The following SEPTIN4 variants were observed in gnomAD, a reference collection of about 807,000 sequenced individuals.
SEPTIN4 encodes septin 4, also known as septin-4.
Under a neutral mutation model 107.1 loss-of-function variants are expected in SEPTIN4, and 52 were observed. The observed-to-expected ratio is 0.49, with a 90% CI of 0.39 to 0.61. The LOEUF is 0.61. Ranked by LOEUF, SEPTIN4 falls within the 20% of genes least tolerant of loss-of-function variation. The pLI is 0.00. For synonymous variants in SEPTIN4, 417 were observed against 467.0 expected, an observed-to-expected ratio of 0.89 and a Z score of 1.38; for missense variants, 1,048 against 1,243.5, an observed-to-expected ratio of 0.84 and a Z score of 2.36.
chr17:58,542,746 T>C lies in SEPTIN4; in HGVS notation c.1441A>G (p.Ser481Gly). Reference sequence around the variant, plus strand: ...TTTGGTGGTGATGGTGGTGATAGGCTTGCCTTCTCTCTCTGGAACTTCAGA... The same window carrying C: ...TTTGGTGGTGATGGTGGTGATAGGCCTGCCTTCTCTCTCTGGAACTTCAGA... ...EDLKFQREKA[S>G]LSPPSPPKEF... Residue 481 changes from serine (S) to glycine (G), a missense_variant, in exon 1 of 14, where the codon AGC becomes GGC. Physicochemically the swap from Ser to Gly is moderately conservative, Grantham distance 56. Coordinates refer to ENST00000672673, the MANE Select transcript of SEPTIN4 (RefSeq NM_001368771.2). 1 of 1,614,196 alleles carries C rather than the reference T, an allele frequency of 6.2e-7. No individual in the cohort carries two copies. The highest frequency in any genetic ancestry group is 8.5e-7 in the Non-Finnish European group (1 of 1,180,038).
Position 58,520,355 on chromosome 17 carries a change from C to G in SEPTIN4, c.*71G>C. 2 of 1,457,394 alleles carry G rather than the reference C, an allele frequency of 1.4e-6. No individual in the cohort carries two copies. Among genetic ancestry groups the G allele is most frequent in the Non-Finnish European group, 1.9e-6 (2 of 1,048,988 alleles). The allele number at this position is 1,457,394 out of a possible 1,614,324, so 90.3% of individuals were successfully genotyped here. The stretch of plus-strand genomic sequence containing the variant: ...AGTAGCTGAAGGGGCCTGAGCAGAG[C>G]TGGTGCTGGGAGGGGCCGGCATGGA... On this transcript the variant is annotated 3_prime_UTR_variant, in exon 14 of 14. Transcript: ENST00000672673.
Position 58,540,693 on chromosome 17 carries a change from G to A in SEPTIN4, c.1607-20C>T. 7.4e-7 allele frequency: 1 copy of A among 1,344,460 alleles called. No homozygotes were observed. The highest frequency in any genetic ancestry group is 3.1e-5 in the East Asian group (1 of 32,586). 83.3% of individuals were successfully genotyped at this position (1,344,460 alleles called of 1,614,324 possible). On this transcript the variant is annotated intron_variant, in intron 2 of 13. Transcript: ENST00000672673. ...CCTCATCTGTCATAACAGAGTAGAA[G>A]CCAGGCATTCCCAGGGGGCAGCAAA...
At chr17:58,533,854 G>A (rs757967496) in intron 3 of SEPTIN4, among the ~76,000 whole-genome samples, 18 of 152,198 alleles carry the variant, frequency 1.2e-4, no homozygotes, top group Non-Finnish European at 1.8e-4. Context: ...TACCTCTTGC[G>A]TGCTTCCAGA....
In SEPTIN4 at chr17:58,540,635, ACTGGGAGTAACCTCC is replaced by A; in HGVS notation, c.1614+16_1614+30del. 7.5e-7 allele frequency: 1 copy of A among 1,340,650 alleles called. No individual in the cohort carries two copies. The highest frequency in any genetic ancestry group is 3.7e-5 in the Admixed American group (1 of 26,770). The allele number at this position is 1,340,650 out of a possible 1,614,324, so 83.0% of individuals were successfully genotyped here. A position where few individuals can be genotyped will look rare whatever the true frequency, so the allele number is the denominator to read the frequency against. On this transcript the variant is annotated intron_variant, in intron 3 of 13. Coordinates refer to ENST00000672673, the MANE Select transcript of SEPTIN4 (RefSeq NM_001368771.2). Reference sequence around the variant, plus strand: ...TGGATTGTGGGGTGGGCCCAGGAAGACTGGGAGTAACCTCCCAGGGGCATTCTTACCTCCTCATCT... The same window carrying A: ...TGGATTGTGGGGTGGGCCCAGGAAGACAGGGGCATTCTTACCTCCTCATCT...
At chr17:58,529,901 G>A (rs1334182237) in intron 3 of SEPTIN4, 1 of 151,986 alleles carries the variant, frequency 6.6e-6, no homozygotes, top group Admixed American at 6.6e-5. Context: ...CTTTGCTCCA[G>A]GGACTCCCCT....
chr17:58,534,396 C>T (rs2043638712), intron 3 of SEPTIN4, among the ~76,000 whole-genome samples: 1 of 152,336 alleles, frequency 6.6e-6, no homozygotes, highest in African/African-American at 2.4e-5. Flanking sequence ...CTGTTTCCCC[C>T]ACTGAAAGAG....
chr17:58,527,502 G>A, intron 3 of SEPTIN4: 1 of 263,854 alleles, frequency 3.8e-6, no homozygotes, highest in Middle Eastern at 1.4e-3. Context: ...AGGGGGTTCT[G>A]TACCTCCTGT....
chr17:58,530,452 A>G (rs1048339070), intron 3 of SEPTIN4: 3 of 152,286 alleles, frequency 2.0e-5, no homozygotes, highest in Non-Finnish European at 4.4e-5. Context: ...TTTGACAAAG[A>G]GACCCTCATA....
At chr17:58,532,094 C>G (rs2043525259) in intron 3 of SEPTIN4, 2 of 1,075,018 alleles carry the variant, frequency 1.9e-6, no homozygotes, top group Non-Finnish European at 2.3e-6. Context: ...CGGGAGGGGC[C>G]CGGCGGCGGG....
At chr17:58,539,058 G>T in intron 3 of SEPTIN4, 1 of 1,235,254 alleles carries the variant, frequency 8.1e-7, no homozygotes, top group Non-Finnish European at 1.1e-6. Context: ...GCCGGGGAGA[G>T]CCTAGCTCTC....
intron 3 of SEPTIN4, chr17:58,530,508 G>A (rs541095783): frequency 6.6e-6 from 1 of 152,474 alleles, no homozygotes; most frequent in East Asian, 1.9e-4. Context: ...TGGCTGGCTT[G>A]AGGGCAGGGG....
rs2042224556 is a variant in SEPTIN4, at chr17:58,521,153, G to A, written c.2676C>T (p.Asn892=). 6.2e-7 allele frequency: 1 copy of A among 1,614,064 alleles called. No individual in the cohort carries two copies. The highest frequency in any genetic ancestry group is 1.1e-5 in the South Asian group (1 of 91,088). ...GCTTCACAAAGTCGCAGTGCCCTGG[G>A]TTTTCCACTGCATAGCAAGGCTAGG... The part of the protein sequence containing the change: ...LYPWGIVEVE[N]PGHCDFVKLR... The change falls in exon 12 of 14, where the codon AAC becomes AAT. Residue 892 remains asparagine (N), a synonymous_variant. Coordinates refer to ENST00000672673, the MANE Select transcript of SEPTIN4 (RefSeq NM_001368771.2). This position sits in a 1 kb window ranked among gnomAD's most constrained non-coding sequence, Gnocchi z 6.4.
At chr17:58,542,021 AC>A in intron 1 of SEPTIN4, 55 bp from the exon 2 acceptor site, 1 of 1,572,066 alleles carries the variant, frequency 6.4e-7, no homozygotes, top group Non-Finnish European at 8.7e-7. Context: ...TGCACATCCC[AC>A]TCTCCACTAC....
rs766645297 is a variant in SEPTIN4 at position 58,543,352 on chromosome 17, T to C, written c.835A>G (p.Lys279Glu). Residue 279 changes from lysine to glutamate, a missense_variant, in exon 1 of 14, where the codon AAA becomes GAA. Lys to Glu is a moderately conservative substitution (Grantham distance 56). This residue lies in a region of SEPTIN4 where 787 missense variants were observed against 871.8 expected (regional missense o/e 0.90). Transcript: ENST00000672673. ...LDSLLKLSVLKDSDGVHRVSA... is the reference protein window; with the variant it reads ...LDSLLKLSVLEDSDGVHRVSA... Reference sequence around the variant, plus strand: ...ACTCGGTGTACACCATCAGAATCTTTAAGGACAGAGAGTTTGAGCAATGAG... The same window carrying C: ...ACTCGGTGTACACCATCAGAATCTTCAAGGACAGAGAGTTTGAGCAATGAG... 3 of 1,614,074 alleles carry C rather than the reference T, an allele frequency of 1.9e-6. No individual in the cohort carries two copies. The highest frequency in any genetic ancestry group is 8.5e-7 in the Non-Finnish European group (1 of 1,180,040).
intron 3 of SEPTIN4, chr17:58,532,085 G>T: frequency 9.2e-7 from 1 of 1,086,480 alleles, no homozygotes; most frequent in South Asian, 4.5e-5. Context: ...GGACCGCTGC[G>T]GGAGGGGCCC....
chr17:58,525,046 G>C, intron 7 of SEPTIN4, 32 bp downstream of exon 7: 2 of 1,613,714 alleles, frequency 1.2e-6, no homozygotes, highest in South Asian at 2.2e-5. Context: ...GGTGGCTCAG[G>C]GGCAGCTGGG....
In SEPTIN4 at chr17:58,521,304, G is replaced by A; in HGVS notation, c.2618C>T (p.Ala873Val). The A allele has an allele frequency of 6.2e-7, 1 of 1,614,192 alleles. No individual in the cohort carries two copies. Among genetic ancestry groups the A allele is most frequent in the South Asian group, 1.1e-5 (1 of 91,080 alleles). ...AVIGSNTVVE[A>V]RGRRVRGRLY... The stretch of plus-strand genomic sequence containing the variant: ...TCGACCCCGAACTCGCCGCCCTCTG[G>A]CCTCTACTACAGTGTTGCTGCCAAT... Residue 873 changes from alanine to valine, a missense_variant, in exon 11 of 14, where the codon GCC becomes GTC. Physicochemically the swap from Ala to Val is moderately conservative, Grantham distance 64 (BLOSUM62 0). This residue lies in a region of SEPTIN4 where 261 missense variants were observed against 371.7 expected (regional missense o/e 0.70). Transcript: ENST00000672673. This position sits in a 1 kb window ranked among gnomAD's most constrained non-coding sequence, Gnocchi z 6.4.
Position 58,543,717 on chromosome 17 carries a change from T to C in SEPTIN4, c.470A>G (p.His157Arg). ...ASSIPDAKST[H>R]QLSFQDQKNN... is the part of the protein sequence containing the mutation. ...CTTCTGGTCTTGAAAACTCAACTGA[T>C]GAGTAGATTTGGCATCTGGGATTGA... Residue 157 changes from histidine to arginine, a missense_variant, in exon 1 of 14, where the codon CAT becomes CGT. His to Arg is a conservative substitution (Grantham distance 29, BLOSUM62 0). Around this residue, in one of 2 missense-constraint regions of SEPTIN4, gnomAD observed 787 missense variants for 871.8 expected, o/e 0.90. Coordinates refer to ENST00000672673, the MANE Select transcript of SEPTIN4 (RefSeq NM_001368771.2). 6.2e-7 allele frequency: 1 copy of C among 1,614,218 alleles called. No homozygotes were observed. The highest frequency in any genetic ancestry group is 8.5e-7 in the Non-Finnish European group (1 of 1,180,038).
At chr17:58,535,779 C>A (rs915459654) in intron 3 of SEPTIN4, among the ~76,000 whole-genome samples, 64 of 152,246 alleles carry the variant, frequency 4.2e-4, no homozygotes, top group African/African-American at 1.5e-3. Flanking sequence ...CACTTCAAAT[C>A]AGCAAACATG....
Sources: allele counts gnomAD v4.1 joint callset (sites outside exome capture counted in the v4.1 genomes callset), GRCh38; gene constraint gnomAD v4.1.1; regional missense constraint gnomAD v4.1.1; non-coding constraint Gnocchi (gnomAD v3.1); transcripts MANE v1.5; gene names NCBI Gene and HGNC (gene_info 2026-07-23, HGNC 2026-07-21).